Variants in PADI3 observed in about 807,000 individuals in gnomAD.
PADI3 encodes protein-arginine deiminase type-3.
In PADI3, 53 loss-of-function variants were observed where a neutral mutation model predicts 71.5. That is an observed-to-expected ratio of 0.74 (90% confidence interval 0.59 to 0.93). PADI3 has a LOEUF of 0.93. Among genes scored for constraint, PADI3 ranks in the 40% least tolerant of loss-of-function variants. PADI3 has a pLI of 0.00. For missense variants in PADI3, 821 were observed against 868.0 expected, an observed-to-expected ratio of 0.95 and a Z score of 0.68; for synonymous variants, 361 against 347.5, an observed-to-expected ratio of 1.04 and a Z score of -0.43.
rs200031183 is a variant in PADI3 at position 17,276,529 on chromosome 1, C to T, written c.1318C>T (p.Arg440Cys). The change falls in exon 12 of 16, where the codon CGC becomes TGC. Residue 440 changes from arginine (R) to cysteine (C), a missense_variant. Physicochemically the swap from Arg to Cys is radical, Grantham distance 180. Transcript: ENST00000375460. ...CCTCGTGGGTCCCAGGTCAAGTGGC[C>T]GCAGGGTCACCCAGGTGGTGCGGGA... is the stretch of plus-strand genomic sequence containing the variant. ...IGGNLPGSSG[R>C]RVTQVVRDFL... The T allele has an allele frequency of 3.7e-6, 6 of 1,613,776 alleles. No homozygotes were observed. The highest frequency in any genetic ancestry group is 1.3e-5 in the African/African-American group (1 of 74,844).
chr1:17,270,490 A>G, intron 7 of PADI3, 79 bp downstream of exon 7: 2 of 1,340,412 alleles, frequency 1.5e-6, no homozygotes, highest in Non-Finnish European at 2.0e-6. Context: ...CTCTACAAAA[A>G]AAAAAAAAAT....
chr1:17,271,228 A>C lies in PADI3; in HGVS notation c.1047+50A>C, dbSNP rs1464337761. ...CCAGCAAGGACGCCATCCTGGAGAG[A>C]GAGGCCTTCATTTGGGGGCCACCGA... is the stretch of plus-strand genomic sequence containing the variant. On this transcript the variant is annotated intron_variant, in intron 9 of 15. Coordinates refer to ENST00000375460, the MANE Select transcript of PADI3 (RefSeq NM_016233.2). 2.0e-6 allele frequency: 3 copies of C among 1,480,042 alleles called. No individual in the cohort carries two copies. The African/African-American group carries it at 4.2e-5, about 21-fold the overall frequency. 91.7% of individuals were successfully genotyped at this position (1,480,042 alleles called of 1,614,324 possible).
At chr1:17,267,105 G>A (rs1308331938) in intron 5 of PADI3, among the ~76,000 whole-genome samples, 2 of 152,178 alleles carry the variant, frequency 1.3e-5, no homozygotes, top group Admixed American at 6.5e-5. Context: ...AGCAGAGGAT[G>A]CTAGCATTAT....
At chr1:17,253,700 T>C (rs1385588592) in intron 1 of PADI3, among the ~76,000 whole-genome samples, 2 of 152,224 alleles carry the variant, frequency 1.3e-5, no homozygotes, top group East Asian at 3.8e-4. Context: ...GGGATGAATG[T>C]GCAGCTGGGG....
At chr1:17,271,004 G>A (rs1343920479) in intron 8 of PADI3, 22 bp downstream of exon 8, 22 of 1,611,316 alleles carry the variant, frequency 1.4e-5, no homozygotes, top group Non-Finnish European at 1.9e-5. Flanking sequence ...GGCAGTGGGT[G>A]GTCCCTCTGG....
rs138903580 is a variant in PADI3, at chr1:17,267,866, C to T, written c.556C>T (p.Arg186Trp). The change falls in exon 6 of 16, where the codon CGG becomes TGG. Residue 186 changes from arginine to tryptophan, a missense_variant. Arg to Trp is a moderately radical substitution (Grantham distance 101). Coordinates refer to ENST00000375460, the MANE Select transcript of PADI3 (RefSeq NM_016233.2). ...DLEDMSVMVL[R>W]TQGPAALFDD... ...GGAAGACATGTCTGTCATGGTCCTG[C>T]GGACGCAGGGCCCTGCAGCCCTCTT... 7.4e-5 allele frequency: 119 copies of T among 1,613,914 alleles called. No individual in the cohort carries two copies. The highest frequency in any genetic ancestry group is 1.6e-4 in the Middle Eastern group (1 of 6,082).
intron 1 of PADI3, among the ~76,000 whole-genome samples, chr1:17,252,876 T>C (rs1453877673): frequency 2.6e-5 from 4 of 152,192 alleles, no homozygotes; most frequent in Non-Finnish European, 4.4e-5. Flanking sequence ...TTGTGGCTGC[T>C]CATGTGGCTG....
At chr1:17,262,237 A>G (rs1351729348) in intron 3 of PADI3, 32 bp downstream of exon 3, 2 of 1,524,962 alleles carry the variant, frequency 1.3e-6, no homozygotes, top group Admixed American at 4.0e-5. Context: ...TGGTGTGGCC[A>G]AGGGCACATT....
intron 2 of PADI3, among the ~76,000 whole-genome samples, chr1:17,261,214 G>T (rs894399730): frequency 1.3e-5 from 2 of 152,158 alleles, no homozygotes; most frequent in African/African-American, 2.4e-5. Flanking sequence ...ATGCTTTAAA[G>T]GGAACTTGGA....
intron 10 of PADI3, 43 bp downstream of exon 10, chr1:17,273,490 C>T (rs2073284947): frequency 3.6e-6 from 5 of 1,380,636 alleles, no homozygotes; most frequent in East Asian, 2.3e-5. Flanking sequence ...AGCTGAGAGG[C>T]CTTACCCCAG....
chr1:17,270,233 G>A lies in PADI3; in HGVS notation c.653G>A (p.Gly218Asp), dbSNP rs372973433. The A allele has an allele frequency of 3.7e-6, 6 of 1,609,244 alleles. No homozygotes were observed. The African/African-American group carries it at 6.7e-5, about 18-fold the overall frequency. ...AGCCACCCCGTCCCTCCCCTTCCAG[G>A]TCCTGAGGATGTGTGTGAGGCCTAT... is the stretch of plus-strand genomic sequence containing the variant. ...AKRAQVFHICGPEDVCEAYRH... is the reference protein window; with the variant it reads ...AKRAQVFHICDPEDVCEAYRH... Residue 218 changes from glycine (G) to aspartate (D), a missense_variant and splice_region_variant, in exon 7 of 16, where the codon GGT becomes GAT. Physicochemically the swap from Gly to Asp is moderately conservative, Grantham distance 94 (BLOSUM62 -1). Coordinates refer to ENST00000375460, the MANE Select transcript of PADI3 (RefSeq NM_016233.2).
chr1:17,276,721 C>T, intron 12 of PADI3, 53 bp from the exon 13 acceptor site: 1 of 1,613,926 alleles, frequency 6.2e-7, no homozygotes, highest in South Asian at 1.1e-5. Context: ...AACTGAGCTC[C>T]AGGGCGCCAT....
chr1:17,267,370 G>A (rs1474505040), intron 5 of PADI3, among the ~76,000 whole-genome samples: 1 of 152,180 alleles, frequency 6.6e-6, no homozygotes, highest in Non-Finnish European at 1.5e-5. Flanking sequence ...CCAGCCCCAT[G>A]GAGAATGAGC....
intron 13 of PADI3, among the ~76,000 whole-genome samples, chr1:17,278,591 C>T (rs1331832045): frequency 1.3e-5 from 2 of 152,040 alleles, no homozygotes; most frequent in East Asian, 1.9e-4. Flanking sequence ...AGAGAGAGAG[C>T]TGGCTGGACT....
In PADI3 at chr1:17,282,815, G is replaced by T. The variant is rs754625074; in HGVS notation, c.1762-31G>T. 2.6e-6 allele frequency: 4 copies of T among 1,540,916 alleles called. No homozygotes were observed. The African/African-American group carries it at 5.5e-5, about 21-fold the overall frequency. ...TAGAGGTGTGGGGTGGGAGCCCAGT[G>T]ATGAAGTGCTGCTTCCCCTTTGGAC... On this transcript the variant is annotated intron_variant, in intron 15 of 15. Transcript: ENST00000375460.
Position 17,282,833 on chromosome 1 carries a change from C to A in PADI3, c.1762-13C>A, listed in dbSNP as rs769701389. 1 of 1,596,642 alleles carries A rather than the reference C, an allele frequency of 6.3e-7. No homozygotes were observed. The highest frequency in any genetic ancestry group is 8.5e-7 in the Non-Finnish European group (1 of 1,169,956). On this transcript the variant is annotated splice_polypyrimidine_tract_variant and intron_variant, in intron 15 of 15. Coordinates refer to ENST00000375460, the MANE Select transcript of PADI3 (RefSeq NM_016233.2). ...GCCCAGTGATGAAGTGCTGCTTCCC[C>A]TTTGGACTGCAGGTGAACATGCTGG...
intron 3 of PADI3, among the ~76,000 whole-genome samples, chr1:17,262,605 C>T (rs1401885082): frequency 1.3e-5 from 2 of 152,048 alleles, no homozygotes; most frequent in Non-Finnish European, 2.9e-5. Flanking sequence ...TATGTATGAA[C>T]AGATGGGGAA....
At chr1:17,260,592 T>G (rs958787071) in intron 2 of PADI3, among the ~76,000 whole-genome samples, 1 of 152,104 alleles carries the variant, frequency 6.6e-6, no homozygotes, top group Non-Finnish European at 1.5e-5. Flanking sequence ...GACCGCACAC[T>G]AATGGTCAGG....
At chr1:17,265,832 C>A (rs532951820) in intron 4 of PADI3, 112 bp downstream of exon 4, 1 of 921,082 alleles carries the variant, frequency 1.1e-6, no homozygotes, top group Non-Finnish European at 1.7e-6. Context: ...CAGCTGATGC[C>A]GAGACCAAGG....
Sources: gnomAD v4.1 joint callset for allele counts (sites outside exome capture counted in the v4.1 genomes callset) on GRCh38, gnomAD v4.1.1 for gene constraint, MANE v1.5 for transcripts, NCBI Gene and HGNC (gene_info 2026-07-23, HGNC 2026-07-21) for gene names.